CAPS2: variants seen among roughly 807,000 people sequenced by gnomAD.
CAPS2 encodes calcyphosine 2.
CAPS2 carries 98 observed loss-of-function variants against 86.5 expected under a neutral mutation model. That is an observed-to-expected ratio of 1.13 (90% confidence interval 0.96 to 1.34). The LOEUF is 1.34. CAPS2 is among the 40% of genes most tolerant of loss of function. The probability of loss-of-function intolerance (pLI) is 0.00; values close to 1 mark genes in which losing one functional copy is unlikely to be tolerated. For missense variants in CAPS2, 729 were observed against 686.8 expected (o/e 1.06, Z -0.69); for synonymous variants, 210 against 225.1 (o/e 0.93, Z 0.60).
chr12:75,343,041 A>G (rs1028872984), intron 1 of CAPS2, among the ~76,000 whole-genome samples: 1 of 151,844 alleles, frequency 6.6e-6, no homozygotes, highest in Non-Finnish European at 1.5e-5. Context: ...ATTAATTTAA[A>G]TTTTTATGTA....
chr12:75,277,740 T>G, exon 17 of CAPS2: 1 of 835,628 alleles, frequency 1.2e-6, no homozygotes, highest in Non-Finnish European at 1.4e-6. Context: ...AAGTAAATAT[T>G]TTCATTTTGA....
At chr12:75,289,775 T>G in exon 14 of CAPS2, 1 of 1,608,094 alleles carries the variant, frequency 6.2e-7, no homozygotes, top group Non-Finnish European at 8.5e-7. Context: ...TTTTAGCACA[T>G]CTGTTCAACA....
exon 1 of CAPS2, chr12:75,326,457 G>A (rs1181474681): frequency 6.5e-7 from 1 of 1,539,912 alleles, no homozygotes; most frequent in Non-Finnish European, 8.8e-7. Flanking sequence ...GCTGAATTTG[G>A]CTCCTAGAAG....
intron 1 of CAPS2, chr12:75,343,966 G>T: frequency 3.9e-6 from 6 of 1,538,250 alleles, no homozygotes; most frequent in Non-Finnish European, 5.3e-6. Flanking sequence ...TTATTGATTA[G>T]TTCTTATTTG....
In CAPS2 at chr12:75,289,803, A is replaced by C. The variant is rs191110069; in HGVS notation, c.1241-28T>G. The C allele has an allele frequency of 4.5e-6, 7 of 1,564,344 alleles. No homozygotes were observed. The Admixed American group carries it at 1.2e-4, about 28-fold the overall frequency. ...GTTCAACAAGAAGAGAGATGAAAAC[A>C]AATTGTTCCTATGCATAAATGTATA... On this transcript the variant is annotated intron_variant, in intron 13 of 16. Coordinates refer to ENST00000393284, the Ensembl canonical transcript of CAPS2.
chr12:75,370,127 C>T, intron 1 of CAPS2: 1 of 1,607,554 alleles, frequency 6.2e-7, no homozygotes, highest in Non-Finnish European at 8.5e-7. Context: ...CCTCAGCAGA[C>T]AGCCTTTAAT....
chr12:75,281,039 TA>T (rs574261391), intron 16 of CAPS2, among the ~76,000 whole-genome samples: 58 of 152,038 alleles, frequency 3.8e-4, no homozygotes, highest in African/African-American at 1.3e-3. Flanking sequence ...GGACAATCAA[TA>T]AATATACAAA....
intron 16 of CAPS2, among the ~76,000 whole-genome samples, chr12:75,281,743 T>G (rs1041933231): frequency 1.3e-5 from 2 of 152,050 alleles, no homozygotes. Context: ...AAAACAATTA[T>G]GTAAAAAAGT....
At chr12:75,346,087 T>C (rs1386778663) in intron 1 of CAPS2, among the ~76,000 whole-genome samples, 3 of 152,224 alleles carry the variant, frequency 2.0e-5, no homozygotes, top group Non-Finnish European at 4.4e-5. Flanking sequence ...CTAGTTTCTT[T>C]AATGAAAGCA....
At chr12:75,339,370 ATT>A (rs1329887977) in intron 1 of CAPS2, among the ~76,000 whole-genome samples, 1 of 151,330 alleles carries the variant, frequency 6.6e-6, no homozygotes, top group Non-Finnish European at 1.5e-5. Context: ...GCTTTTTTTC[ATT>A]TGTTTTTTTG....
intron 1 of CAPS2, among the ~76,000 whole-genome samples, chr12:75,379,083 A>G (rs1026742835): frequency 4.6e-5 from 7 of 152,202 alleles, no homozygotes; most frequent in Non-Finnish European, 7.3e-5. Context: ...AATAATTAAA[A>G]CATCCTCTGA....
chr12:75,380,439 C>T (rs1036633860), intron 1 of CAPS2, among the ~76,000 whole-genome samples: 1 of 152,148 alleles, frequency 6.6e-6, no homozygotes, highest in African/African-American at 2.4e-5. Flanking sequence ...CTAAAACTAC[C>T]AGCAACTCAC....
intron 1 of CAPS2, chr12:75,347,567 T>A (rs1426525976): frequency 7.4e-6 from 8 of 1,078,640 alleles, no homozygotes; most frequent in Non-Finnish European, 1.1e-5. Context: ...TCTAAATGCA[T>A]TGTTTGCATA....
At chr12:75,277,210 C>CTTT (rs11349252), downstream of CAPS2, 56 of 843,774 alleles carry the variant, frequency 6.6e-5, no homozygotes, top group Non-Finnish European at 7.5e-5. Flanking sequence ...AGTAGCTTCC[C>CTTT]TTTTTTTTTT....
intron 7 of CAPS2, chr12:75,306,074 C>G: frequency 6.8e-7 from 1 of 1,466,908 alleles, no homozygotes; most frequent in Non-Finnish European, 9.4e-7. Flanking sequence ...ACGTGCTGCG[C>G]GTCCTGGGGC....
chr12:75,371,801 A>G (rs2139719005), intron 1 of CAPS2, among the ~76,000 whole-genome samples: 1 of 152,336 alleles, frequency 6.6e-6, no homozygotes, highest in African/African-American at 2.4e-5. Context: ...CATATTCTTA[A>G]CAAAATAAGG....
At chr12:75,364,705 C>T (rs1411497088) in intron 1 of CAPS2, 1 of 152,186 alleles carries the variant, frequency 6.6e-6, no homozygotes, top group Non-Finnish European at 1.5e-5. Flanking sequence ...ATTAGCTACA[C>T]AGAACATAAG....
downstream of CAPS2, chr12:75,277,147 G>A: frequency 4.1e-6 from 4 of 980,756 alleles, no homozygotes; most frequent in Non-Finnish European, 4.8e-6. Flanking sequence ...ATGTTAGGAA[G>A]ATTAAGATTA....
intron 1 of CAPS2, among the ~76,000 whole-genome samples, chr12:75,350,168 C>T (rs1055998839): frequency 6.6e-6 from 1 of 152,252 alleles, no homozygotes; most frequent in Non-Finnish European, 1.5e-5. Flanking sequence ...CACATTCCTT[C>T]TTGCCAGGCA....
Sources: allele counts gnomAD v4.1 joint callset (sites outside exome capture counted in the v4.1 genomes callset), GRCh38; gene constraint gnomAD v4.1.1; transcripts MANE v1.5; gene names NCBI Gene and HGNC (gene_info 2026-07-23, HGNC 2026-07-21).